Variants in RSPH3 observed in about 807,000 individuals in gnomAD.
RSPH3 encodes radial spoke head protein 3 homolog.
Under a neutral mutation model 43.8 loss-of-function variants are expected in RSPH3, and 21 were observed. The observed-to-expected ratio is 0.48, with a 90% confidence interval of 0.34 to 0.69. The LOEUF is 0.69. RSPH3 is among the 30% of genes least tolerant of loss of function. RSPH3 has a pLI of 0.01. For synonymous variants in RSPH3, 173 were observed against 179.8 expected, an observed-to-expected ratio of 0.96 and a Z score of 0.30; for missense variants, 487 against 516.0, an observed-to-expected ratio of 0.94 and a Z score of 0.54.
At chr6:158,964,917 T>C in the RSPH3 span, among the ~76,000 whole-genome samples, 2 of 152,206 alleles carry the variant, frequency 1.3e-5, no homozygotes, top group South Asian at 4.1e-4. Flanking sequence ...TTTACTGTTA[T>C]GTTGTCTTGA....
At chr6:158,970,163 C>T (rs1412581552), downstream of RSPH3, among the ~76,000 whole-genome samples, 1 of 152,038 alleles carries the variant, frequency 6.6e-6, no homozygotes, top group Non-Finnish European at 1.5e-5. Context: ...ACCACCCGTC[C>T]AACCTGGGTT....
chr6:158,996,292 T>TG (rs1429328225), intron 1 of RSPH3, among the ~76,000 whole-genome samples: 10 of 152,236 alleles, frequency 6.6e-5, no homozygotes, highest in Non-Finnish European at 1.5e-5. Context: ...GTGAATTTAA[T>TG]GGCATTTATG....
chr6:158,979,585 T>C (rs1025936568), intron 6 of RSPH3, among the ~76,000 whole-genome samples: 1 of 152,208 alleles, frequency 6.6e-6, no homozygotes, highest in Non-Finnish European at 1.5e-5. Flanking sequence ...GAATTCTATC[T>C]GACCTGTCTA....
chr6:158,967,487 T>C, the RSPH3 span, among the ~76,000 whole-genome samples: 1 of 152,232 alleles, frequency 6.6e-6, no homozygotes, highest in Non-Finnish European at 1.5e-5. Context: ...TTCACTATTT[T>C]AAAATTTACT....
chr6:158,986,909 T>G (rs1778252231), intron 2 of RSPH3, among the ~76,000 whole-genome samples: 1 of 152,218 alleles, frequency 6.6e-6, no homozygotes. Context: ...ATGATCCATG[T>G]GCTGAAGAAA....
chr6:158,980,751 A>G (rs757521143), intron 6 of RSPH3, 23 bp downstream of exon 6: 1 of 1,589,090 alleles, frequency 6.3e-7, no homozygotes, highest in African/African-American at 1.3e-5. Context: ...AACAAAATTA[A>G]TCTAACAAAA....
Position 158,981,395 on chromosome 6 carries a change from C to G in RSPH3, c.697-459G>C, listed in dbSNP as rs116658221. On this transcript the variant is annotated intron_variant, in intron 5 of 7. Transcript: ENST00000367069. ...TTTTTTGTTGTTGCTTCCTTTAGAC[C>G]ATGTAATATTTATAAAGGTGATGAA... 8.2e-3 allele frequency among the ~76,000 whole-genome samples: 1,248 copies of G among 152,114 alleles called. 22 individuals carry two copies. The highest frequency in any genetic ancestry group is 0.028 in the African/African-American group (1,180 of 41,476).
intron 1 of RSPH3, among the ~76,000 whole-genome samples, chr6:158,995,810 A>G (rs1009035059): frequency 3.9e-5 from 6 of 152,062 alleles, no homozygotes; most frequent in African/African-American, 1.4e-4. Flanking sequence ...CGTGTTAGCC[A>G]GGATGGTCTG....
rs1777872343 is a variant in RSPH3, at chr6:158,977,207, C to G, written c.*331G>C. Reference sequence around the variant, plus strand: ...CTGATATTGAACATTAAATATCATACTTACTAAAAAAAACTAACCCGCAAA... The same window carrying G: ...CTGATATTGAACATTAAATATCATAGTTACTAAAAAAAACTAACCCGCAAA... On this transcript the variant is annotated 3_prime_UTR_variant, in exon 8 of 8. Transcript: ENST00000367069. 8.1e-6 allele frequency: 2 copies of G among 245,770 alleles called. No homozygotes were observed. The highest frequency in any genetic ancestry group is 1.6e-4 in the South Asian group (2 of 12,672). The allele number at this position is 245,770 out of a possible 1,614,324, so 15.2% of individuals were successfully genotyped here.
chr6:158,993,263 G>A (rs529380492), intron 2 of RSPH3, among the ~76,000 whole-genome samples: 55 of 151,948 alleles, frequency 3.6e-4, no homozygotes, highest in African/African-American at 1.2e-3. Flanking sequence ...GACTACAGGC[G>A]AGCGCCACCA....
chr6:158,988,059 TG>T (rs908032712), intron 2 of RSPH3: 1 of 152,198 alleles, frequency 6.6e-6, no homozygotes, highest in Admixed American at 6.5e-5. Flanking sequence ...AAGATGGGCG[TG>T]GTGGTGCTGA....
In RSPH3 at chr6:158,999,599, G is replaced by A; in HGVS notation, c.-49C>T. ...TTCGGTGGAGCTTGGCTTTGAAGCA[G>A]GTGGGCGCTAAGGTGTTGTGGGACC... On this transcript the variant is annotated 5_prime_UTR_variant, in exon 1 of 8. Transcript: ENST00000367069. 1 of 1,611,006 alleles carries A rather than the reference G, an allele frequency of 6.2e-7. No individual in the cohort carries two copies. The highest frequency in any genetic ancestry group is 8.5e-7 in the Non-Finnish European group (1 of 1,177,644).
At chr6:158,978,172 A>G (rs1777914330) in intron 7 of RSPH3, 88 bp downstream of exon 7, 2 of 771,048 alleles carry the variant, frequency 2.6e-6, no homozygotes, top group Non-Finnish European at 4.3e-6. Flanking sequence ...TAAATATTCA[A>G]ACTGTAAAAT....
intron 2 of RSPH3, among the ~76,000 whole-genome samples, chr6:158,987,669 A>G (rs1280186517): frequency 1.3e-5 from 2 of 152,332 alleles, no homozygotes; most frequent in African/African-American, 2.4e-5. Context: ...AAAAACATAG[A>G]TATAACAAGT....
At chr6:158,965,655 C>T in the RSPH3 span, among the ~76,000 whole-genome samples, 20 of 152,046 alleles carry the variant, frequency 1.3e-4, no homozygotes, top group Non-Finnish European at 2.6e-4. Flanking sequence ...ACTTGCTGAA[C>T]TCATGTATTA....
At chr6:158,999,386 G>A (rs1170216537) in intron 1 of RSPH3, 49 bp downstream of exon 1, 1 of 1,444,194 alleles carries the variant, frequency 6.9e-7, no homozygotes, top group East Asian at 2.5e-5. Flanking sequence ...CCCCGGCCTG[G>A]GGATGGGGTG....
In RSPH3 at chr6:158,989,157, C is replaced by T. The variant is rs1778326508; in HGVS notation, c.205-2736G>A. 6.6e-6 allele frequency among the ~76,000 whole-genome samples: 1 copy of T among 152,026 alleles called. No homozygotes were observed. The highest frequency in any genetic ancestry group is 2.4e-5 in the African/African-American group (1 of 41,372). ...TGCCTCCTGGGTTCAAGCGATTCTC[C>T]TGACTCAGCCTCTCAAGTAGCTGGG... On this transcript the variant is annotated intron_variant, in intron 2 of 7. Coordinates refer to ENST00000367069, the MANE Select transcript of RSPH3 (RefSeq NM_031924.8). This position sits in a 1 kb window ranked among gnomAD's most constrained non-coding sequence, Gnocchi z 4.3.
downstream of RSPH3, among the ~76,000 whole-genome samples, chr6:158,972,028 G>T (rs1423249053): frequency 6.6e-6 from 1 of 152,040 alleles, no homozygotes; most frequent in Non-Finnish European, 1.5e-5. Context: ...GGGGGATAAA[G>T]AAAAATTTAT....
Position 158,982,599 on chromosome 6 carries a change from T to C in RSPH3, c.582A>G (p.Glu194=), listed in dbSNP as rs985973359. 1.9e-6 allele frequency: 3 copies of C among 1,614,134 alleles called. No homozygotes were observed. Among genetic ancestry groups the C allele is most frequent in the East Asian group, 2.2e-5 (1 of 44,886 alleles). Residue 194 remains glutamate, a synonymous_variant, in exon 5 of 8, where the codon GAA becomes GAG. Transcript: ENST00000367069. ...IEQSLLEVME[E]EELANLRASQ... ...TGGCCCGCAGGTTAGCCAGCTCTTCTTCTTCCATTACTTCCAGAAGAGACT... is the reference window on the plus strand; with the variant it reads ...TGGCCCGCAGGTTAGCCAGCTCTTCCTCTTCCATTACTTCCAGAAGAGACT...
Sources: gnomAD v4.1 joint callset for allele counts (sites outside exome capture counted in the v4.1 genomes callset) on GRCh38, gnomAD v4.1.1 for gene constraint, Gnocchi (gnomAD v3.1) non-coding constraint, MANE v1.5 for transcripts, NCBI Gene and HGNC (gene_info 2026-07-23, HGNC 2026-07-21) for gene names.